ADGRA3: variants seen among roughly 807,000 people sequenced by gnomAD.
The protein encoded by ADGRA3 is G-protein coupled receptor 125.
In ADGRA3, 56 loss-of-function variants were observed where a neutral mutation model predicts 119.8. The observed-to-expected ratio is 0.47, with a 90% confidence interval of 0.38 to 0.58. The LOEUF (loss-of-function observed/expected upper bound fraction) is 0.58. Ranked by LOEUF, ADGRA3 falls within the 20% of genes least tolerant of loss-of-function variation. The pLI is 0.00. For synonymous variants in ADGRA3, 607 were observed against 623.8 expected (o/e 0.97, Z 0.40); for missense variants, 1,516 against 1,649.0 (o/e 0.92, Z 1.40).
intron 1 of ADGRA3, among the ~76,000 whole-genome samples, chr4:22,504,663 T>C (rs778495544): frequency 6.6e-6 from 1 of 152,038 alleles, no homozygotes; most frequent in Non-Finnish European, 1.5e-5. Flanking sequence ...TTCATCGTCT[T>C]TCCTCTGCTT....
chr4:22,454,131 G>C (rs144542647), intron 4 of ADGRA3, among the ~76,000 whole-genome samples: 2 of 152,080 alleles, frequency 1.3e-5, no homozygotes, highest in African/African-American at 4.8e-5. Flanking sequence ...AAAGTGCTGG[G>C]ATTACAGGCG....
chr4:22,433,197 C>T (rs1382133125), intron 10 of ADGRA3, among the ~76,000 whole-genome samples: 2 of 152,120 alleles, frequency 1.3e-5, no homozygotes, highest in African/African-American at 4.8e-5. Flanking sequence ...CACTTGCTTC[C>T]GAAGATAACA....
chr4:22,507,464 G>A (rs891462236), intron 1 of ADGRA3, among the ~76,000 whole-genome samples: 8 of 152,158 alleles, frequency 5.3e-5, no homozygotes, highest in African/African-American at 1.7e-4. Context: ...GTCATTTTCT[G>A]AGTTACTTTC....
chr4:22,409,309 C>T (rs1208762228), intron 14 of ADGRA3, among the ~76,000 whole-genome samples: 1 of 152,052 alleles, frequency 6.6e-6, no homozygotes, highest in Non-Finnish European at 1.5e-5. Flanking sequence ...ACTGTACAAA[C>T]CACTAGAAAC....
chr4:22,401,393 A>G, intron 16 of ADGRA3, 38 bp downstream of exon 16: 1 of 1,551,126 alleles, frequency 6.4e-7, no homozygotes, highest in Non-Finnish European at 8.7e-7. Flanking sequence ...TTCTAATACC[A>G]GTAATTTTTT....
At chr4:22,413,033 A>G (rs1325563019) in intron 14 of ADGRA3, 149 bp downstream of exon 14, 3 of 636,442 alleles carry the variant, frequency 4.7e-6, no homozygotes, top group African/African-American at 1.8e-5. Context: ...ATTAGAACAC[A>G]TATCATCTCA....
intron 1 of ADGRA3, among the ~76,000 whole-genome samples, chr4:22,510,032 A>T (rs1225337228): frequency 6.6e-6 from 1 of 151,446 alleles, no homozygotes; most frequent in Non-Finnish European, 1.5e-5. Context: ...AAAAAAAGAA[A>T]TGACTTTCTG....
At chr4:22,439,712 A>G (rs1716534225) in intron 7 of ADGRA3, among the ~76,000 whole-genome samples, 1 of 152,206 alleles carries the variant, frequency 6.6e-6, no homozygotes, top group Admixed American at 6.5e-5. Flanking sequence ...TTGACATTAA[A>G]TTTAACTTTG....
intron 1 of ADGRA3, among the ~76,000 whole-genome samples, chr4:22,496,734 G>A (rs1188387762): frequency 2.6e-5 from 4 of 152,138 alleles, no homozygotes; most frequent in African/African-American, 4.8e-5. Context: ...TACTTCAAAC[G>A]GTGAGGAACC....
chr4:22,509,298 C>G (rs1299269053), intron 1 of ADGRA3, among the ~76,000 whole-genome samples: 2 of 151,810 alleles, frequency 1.3e-5, no homozygotes, highest in Admixed American at 6.6e-5. Context: ...GTCAGCAGTT[C>G]AAGACCAGCC....
In ADGRA3 at chr4:22,455,918, T is replaced by C; in HGVS notation, c.402-981A>G. The C allele has an allele frequency of 3.8e-6, 3 of 789,552 alleles. No individual in the cohort carries two copies. The South Asian group carries it at 4.6e-5, about 12-fold the overall frequency. The allele number at this position is 789,552 out of a possible 1,614,324, so 48.9% of individuals were successfully genotyped here. A position where few individuals can be genotyped will look rare whatever the true frequency, so the allele number is the denominator to read the frequency against. ...TATTAGTTGCTAGACTTGGAATAAT[T>C]CATCACACTTTGAATTCTGACAGAA... On this transcript the variant is annotated intron_variant, in intron 3 of 18. Coordinates refer to ENST00000334304, the MANE Select transcript of ADGRA3 (RefSeq NM_145290.4).
chr4:22,413,289 G>A lies in ADGRA3; in HGVS notation c.2125C>T (p.Leu709=). Residue 709 remains leucine, a synonymous_variant, in exon 14 of 19, where the codon CTG becomes TTG. Coordinates refer to ENST00000334304, the MANE Select transcript of ADGRA3 (RefSeq NM_145290.4). The stretch of plus-strand genomic sequence containing the variant: ...GACTTCCAGCCTCCTTGTCCGTTCA[G>A]CAAATCGAAATCCCACCGGGCTGCA... The part of the protein sequence containing the change: ...AVAARWDFDL[L]NGQGGWKSDG... 1 of 1,614,024 alleles carries A rather than the reference G, an allele frequency of 6.2e-7. No individual in the cohort carries two copies. Among genetic ancestry groups the A allele is most frequent in the Non-Finnish European group, 8.5e-7 (1 of 1,179,928 alleles).
chr4:22,512,200 C>T (rs939763608), intron 1 of ADGRA3, among the ~76,000 whole-genome samples: 1 of 152,064 alleles, frequency 6.6e-6, no homozygotes, highest in African/African-American at 2.4e-5. Context: ...TGCGCCCGCC[C>T]CACAGTGATC....
At chr4:22,492,334 T>C (rs1389698184) in intron 1 of ADGRA3, among the ~76,000 whole-genome samples, 1 of 152,172 alleles carries the variant, frequency 6.6e-6, no homozygotes, top group Non-Finnish European at 1.5e-5. Flanking sequence ...GGTTGGAACT[T>C]TTAATAGTTT....
intron 14 of ADGRA3, 130 bp from the exon 15 acceptor site, chr4:22,402,929 A>C (rs1204181622): frequency 1.2e-6 from 1 of 837,846 alleles, no homozygotes; most frequent in African/African-American, 1.7e-5. Flanking sequence ...TTTTATTCAG[A>C]CTAATGTTTC....
At chr4:22,404,328 G>A (rs1309246443) in intron 14 of ADGRA3, among the ~76,000 whole-genome samples, 1 of 152,128 alleles carries the variant, frequency 6.6e-6, no homozygotes, top group African/African-American at 2.4e-5. Context: ...AAGGGAAGGG[G>A]CAAATTTTCC....
At chr4:22,414,769 T>C (rs1715364252) in intron 12 of ADGRA3, among the ~76,000 whole-genome samples, 1 of 152,170 alleles carries the variant, frequency 6.6e-6, no homozygotes, top group African/African-American at 2.4e-5. Context: ...AAAACACAGC[T>C]ACACTGAGTT....
At chr4:22,452,937 G>A (rs890800909) in intron 4 of ADGRA3, among the ~76,000 whole-genome samples, 2 of 151,732 alleles carry the variant, frequency 1.3e-5, no homozygotes, top group Non-Finnish European at 2.9e-5. Flanking sequence ...GGTGGCTCAC[G>A]CCTGTAATCC....
rs1440608183 is a variant in ADGRA3 at position 22,388,419 on chromosome 4, T to A, written c.3252A>T (p.Gly1084=). The stretch of plus-strand genomic sequence containing the variant: ...TGCTATTGGGGCATTTGGGTGCCTC[T>A]CCATTCGTCCCATTAGAGTTGGGGG... ...VQPPNSNGTN[G]EAPKCPNSSA... The change falls in exon 19 of 19, where the codon GGA becomes GGT. Residue 1084 remains glycine, a synonymous_variant. Transcript: ENST00000334304. 6.2e-7 allele frequency: 1 copy of A among 1,614,062 alleles called. No homozygotes were observed. The highest frequency in any genetic ancestry group is 1.7e-5 in the Admixed American group (1 of 60,012).
Sources: allele counts gnomAD v4.1 joint callset (sites outside exome capture counted in the v4.1 genomes callset), GRCh38; gene constraint gnomAD v4.1.1; transcripts MANE v1.5; gene names NCBI Gene and HGNC (gene_info 2026-07-23, HGNC 2026-07-21).